Variants in ERBIN observed in about 807,000 individuals in gnomAD.
ERBIN encodes erbb2 interacting protein, also known as densin-180-like protein.
In ERBIN, 60 loss-of-function variants were observed where a neutral mutation model predicts 158.4. The ratio of observed to expected loss-of-function variants is 0.38; its 90% CI spans 0.31 to 0.47. ERBIN has a LOEUF of 0.47. Ranked by LOEUF, ERBIN falls within the 20% of genes least tolerant of loss-of-function variation. ERBIN has a pLI of 0.99. For missense variants in ERBIN, 1,610 were observed against 1,648.0 expected, an observed-to-expected ratio of 0.98 and a Z score of 0.40; for synonymous variants, 594 against 557.2, an observed-to-expected ratio of 1.07 and a Z score of -0.93.
Position 66,053,509 on chromosome 5 carries a change from C to T in ERBIN, c.2191C>T (p.Pro731Ser). ...TCATGATAAAAAAGATTTTAACTTA[C>T]CTGAATATGATTTGAATGTTGAAGA... ...KAHDKKDFNL[P>S]EYDLNVEERL... Residue 731 changes from proline to serine, a missense_variant, in exon 21 of 26, where the codon CCT becomes TCT. Around this residue, in one of 2 missense-constraint regions of ERBIN, gnomAD observed 1,014 missense variants for 936.1 expected, o/e 1.08. Coordinates refer to ENST00000284037, the MANE Select transcript of ERBIN (RefSeq NM_001253697.2). The T allele has an allele frequency of 6.2e-7, 1 of 1,610,902 alleles. No individual in the cohort carries two copies. Among genetic ancestry groups the T allele is most frequent in the South Asian group, 1.1e-5 (1 of 90,580 alleles).
intron 3 of ERBIN, 62 bp downstream of exon 3, chr5:65,992,969 T>C (rs1752036116): frequency 1.6e-6 from 2 of 1,240,722 alleles, no homozygotes; most frequent in Non-Finnish European, 2.2e-6. Context: ...AAATATGATA[T>C]TCCTAATATT....
intron 14 of ERBIN, among the ~76,000 whole-genome samples, chr5:66,036,062 C>G (rs1452009891): frequency 6.6e-6 from 1 of 152,036 alleles, no homozygotes; most frequent in Non-Finnish European, 1.5e-5. Context: ...GCACTCCAGC[C>G]TCCAGCCTGG....
intron 25 of ERBIN, among the ~76,000 whole-genome samples, chr5:66,077,806 A>T (rs1418675799): frequency 3.0e-4 from 40 of 134,336 alleles, no homozygotes; most frequent in African/African-American, 1.4e-3. Flanking sequence ...ACACACACAC[A>T]CACAGTCACA....
chr5:65,998,894 C>CAAAAAAAAAAAAAAAAAAAAAAAAA (rs34966696), intron 4 of ERBIN, among the ~76,000 whole-genome samples: 1 of 69,934 alleles, frequency 1.4e-5, no homozygotes, highest in Non-Finnish European at 2.9e-5. Flanking sequence ...GACCCTGTCT[C>CAAAAAAAAAAAAAAAAAAAAAAAAA]AAAAAAAAAA....
Position 65,994,896 on chromosome 5 carries a change from C to T in ERBIN, c.307+32C>T, listed in dbSNP as rs200559912. ...CTTTTTTTGCCCATAATTTTTTGTA[C>T]TTGGGAACATGTTTCATTACTAAGA... On this transcript the variant is annotated intron_variant, in intron 4 of 25. Coordinates refer to ENST00000284037, the MANE Select transcript of ERBIN (RefSeq NM_001253697.2). The T allele has an allele frequency of 1.6e-5, 21 of 1,291,098 alleles. No individual in the cohort carries two copies. The African/African-American group carries it at 2.8e-4, about 17-fold the overall frequency. The allele number at this position is 1,291,098 out of a possible 1,614,324, so 80.0% of individuals were successfully genotyped here. A position where few individuals can be genotyped will look rare whatever the true frequency, so the allele number is the denominator to read the frequency against.
At chr5:65,952,958 A>G (rs1165579522) in intron 1 of ERBIN, among the ~76,000 whole-genome samples, 1 of 152,074 alleles carries the variant, frequency 6.6e-6, no homozygotes, top group Non-Finnish European at 1.5e-5. Flanking sequence ...GAACTTGCCA[A>G]AAAAAAAGTT....
chr5:66,036,891 T>G (rs1289784172), intron 14 of ERBIN, among the ~76,000 whole-genome samples: 1 of 152,234 alleles, frequency 6.6e-6, no homozygotes, highest in Admixed American at 6.5e-5. Flanking sequence ...CTGTTCTCAT[T>G]CCTTTTTCTG....
At chr5:66,077,292 T>G (rs1762075136) in intron 25 of ERBIN, among the ~76,000 whole-genome samples, 2 of 152,084 alleles carry the variant, frequency 1.3e-5, no homozygotes, top group African/African-American at 4.8e-5. Flanking sequence ...GAAGAAAAAT[T>G]TTAAATCTGC....
chr5:65,978,695 T>C (rs1343118769), intron 1 of ERBIN, among the ~76,000 whole-genome samples: 1 of 152,210 alleles, frequency 6.6e-6, no homozygotes, highest in Non-Finnish European at 1.5e-5. Flanking sequence ...GTGTGGGCTT[T>C]AGGGAAGATG....
At chr5:66,012,155 C>T in intron 5 of ERBIN, 28 bp downstream of exon 5, 1 of 1,438,042 alleles carries the variant, frequency 7.0e-7, no homozygotes, top group Non-Finnish European at 9.5e-7. Flanking sequence ...TTATAAATTA[C>T]TTTTGTGAAT....
chr5:65,967,313 C>T (rs1362367854), intron 1 of ERBIN, among the ~76,000 whole-genome samples: 1 of 152,184 alleles, frequency 6.6e-6, no homozygotes, highest in East Asian at 1.9e-4. Context: ...GTGTCCTAGA[C>T]CTTCACATTC....
Position 66,008,264 on chromosome 5 carries a change from A to G in ERBIN, c.308-3785A>G, listed in dbSNP as rs114255839. Among the ~76,000 whole-genome samples, 1,510 of 152,156 alleles carry G rather than the reference A, an allele frequency of 9.9e-3. 12 individuals are homozygous for G. The highest frequency in any genetic ancestry group is 0.015 in the Non-Finnish European group (1,050 of 67,996). On this transcript the variant is annotated intron_variant, in intron 4 of 25. Coordinates refer to ENST00000284037, the MANE Select transcript of ERBIN (RefSeq NM_001253697.2). ...ACCCCATATATAAAACCCCTAATATAAAAAATTAGCCGGGCGTGGTGGCGG... is the reference window on the plus strand; with the variant it reads ...ACCCCATATATAAAACCCCTAATATGAAAAATTAGCCGGGCGTGGTGGCGG...
At chr5:65,976,289 A>C (rs1479506958) in intron 1 of ERBIN, among the ~76,000 whole-genome samples, 1 of 152,152 alleles carries the variant, frequency 6.6e-6, no homozygotes, top group East Asian at 1.9e-4. Flanking sequence ...TCTGGCGAAC[A>C]TGGTGAAGCC....
At chr5:65,996,581 T>C (rs1224007567) in intron 4 of ERBIN, among the ~76,000 whole-genome samples, 2 of 152,204 alleles carry the variant, frequency 1.3e-5, no homozygotes, top group African/African-American at 2.4e-5. Flanking sequence ...GCCTGCCGTT[T>C]AGTTCTTTTT....
Position 66,072,255 on chromosome 5 carries a change from T to C in ERBIN, c.3720T>C (p.Leu1240=). 1.9e-6 allele frequency: 3 copies of C among 1,550,462 alleles called. No individual in the cohort carries two copies. Among genetic ancestry groups the C allele is most frequent in the Non-Finnish European group, 2.6e-6 (3 of 1,146,920 alleles). The part of the protein sequence containing the change: ...SGQQNYSSAT[L]SHKDVPPDSL... Reference sequence around the variant, plus strand: ...AGCAGAACTACTCATCAGCCACACTTAGTCACAAAGATGTTCCTCCAGACA... The same window carrying C: ...AGCAGAACTACTCATCAGCCACACTCAGTCACAAAGATGTTCCTCCAGACA... Residue 1240 remains leucine, a synonymous_variant, in exon 22 of 26, where the codon CTT becomes CTC. Coordinates refer to ENST00000284037, the MANE Select transcript of ERBIN (RefSeq NM_001253697.2).
At position 66,026,025 on chromosome 5, in the gene ERBIN, T is replaced by C. The variant is rs146093384; in HGVS notation, c.1020+48T>C. ...AGATTTTTGTCTTTTCATTTTTTTCTGATTATCTTCATTATAGCTATTTAG... is the reference window on the plus strand; with the variant it reads ...AGATTTTTGTCTTTTCATTTTTTTCCGATTATCTTCATTATAGCTATTTAG... On this transcript the variant is annotated intron_variant, in intron 12 of 25. Coordinates refer to ENST00000284037, the MANE Select transcript of ERBIN (RefSeq NM_001253697.2). 1,699 of 1,480,446 alleles carry C rather than the reference T, an allele frequency of 1.1e-3. 24 individuals carry two copies. In the African/African-American group the frequency reaches 0.022, roughly 19 times the overall value. The allele number at this position is 1,480,446 out of a possible 1,614,324, so 91.7% of individuals were successfully genotyped here.
chr5:65,935,269 TG>T, intron 1 of ERBIN, among the ~76,000 whole-genome samples: 1 of 152,316 alleles, frequency 6.6e-6, no homozygotes, highest in East Asian at 1.9e-4. Flanking sequence ...TTTATCCAGA[TG>T]TAAACCCATT....
In ERBIN at chr5:66,078,709, A is replaced by G; in HGVS notation, c.*179A>G. ...GAGGGAAAGAACCACTGTACAGAAT[A>G]TAAAGGAGACTGTTGAATTCATACC... On this transcript the variant is annotated 3_prime_UTR_variant, in exon 26 of 26. Transcript: ENST00000284037. 1 of 576,912 alleles carries G rather than the reference A, an allele frequency of 1.7e-6. No individual in the cohort carries two copies. Among genetic ancestry groups the G allele is most frequent in the Non-Finnish European group, 3.1e-6 (1 of 326,494 alleles). The allele number at this position is 576,912 out of a possible 1,614,324, so 35.7% of individuals were successfully genotyped here.
chr5:65,991,541 A>G (rs1751872272), intron 2 of ERBIN, among the ~76,000 whole-genome samples: 1 of 152,082 alleles, frequency 6.6e-6, no homozygotes, highest in Non-Finnish European at 1.5e-5. Context: ...GTGGTGTTTG[A>G]TTTTTTTGGT....
Sources: gnomAD v4.1 joint callset for allele counts (sites outside exome capture counted in the v4.1 genomes callset) on GRCh38, gnomAD v4.1.1 for gene constraint, gnomAD v4.1.1 regional missense constraint, MANE v1.5 for transcripts, NCBI Gene and HGNC (gene_info 2026-07-23, HGNC 2026-07-21) for gene names.